ADAM7: variants seen among roughly 807,000 people sequenced by gnomAD.
The protein encoded by ADAM7 is ADAM metallopeptidase domain 7.
A neutral mutation model predicts 102.9 loss-of-function variants in ADAM7; 97 were observed. The observed-to-expected ratio is 0.94, with a 90% CI of 0.80 to 1.12. The LOEUF (loss-of-function observed/expected upper bound fraction) is 1.12. ADAM7 is among the 50% of genes most tolerant of loss of function. ADAM7 has a pLI of 0.00. For missense variants in ADAM7, 991 were observed against 908.7 expected, an observed-to-expected ratio of 1.09 and a Z score of -1.16; for synonymous variants, 334 against 304.4, an observed-to-expected ratio of 1.10 and a Z score of -1.01.
chr8:24,487,642 A>G (rs1820189529), intron 11 of ADAM7, among the ~76,000 whole-genome samples: 1 of 152,008 alleles, frequency 6.6e-6, no homozygotes, highest in Admixed American at 6.6e-5. Flanking sequence ...TCTCAAAAAA[A>G]AAAAGAAAAA....
intron 9 of ADAM7, among the ~76,000 whole-genome samples, 200 bp downstream of exon 9, chr8:24,482,511 A>G (rs1819990877): frequency 6.6e-6 from 1 of 152,106 alleles, no homozygotes; most frequent in African/African-American, 2.4e-5. Flanking sequence ...ATTTTAGGAG[A>G]CCAAAGTAGA....
At chr8:24,493,272 A>T in intron 16 of ADAM7, 43 bp downstream of exon 16, 2 of 1,502,142 alleles carry the variant, frequency 1.3e-6, no homozygotes. Flanking sequence ...TCTTAGTTCA[A>T]TCCTTTAAAA....
chr8:24,488,991 C>A (rs1304212635), intron 11 of ADAM7, among the ~76,000 whole-genome samples, 168 bp from the exon 12 acceptor site: 1 of 152,088 alleles, frequency 6.6e-6, no homozygotes, highest in Admixed American at 6.6e-5. Flanking sequence ...CATGTGTTTG[C>A]TGTGTTTTGA....
At chr8:24,473,447 T>C (rs1819671314) in intron 7 of ADAM7, among the ~76,000 whole-genome samples, 1 of 152,154 alleles carries the variant, frequency 6.6e-6, no homozygotes, top group Non-Finnish European at 1.5e-5. Context: ...TCTTGCATCA[T>C]AGCTGGGCAT....
intron 3 of ADAM7, among the ~76,000 whole-genome samples, chr8:24,460,904 T>A (rs1819218369): frequency 6.6e-6 from 1 of 152,146 alleles, no homozygotes; most frequent in African/African-American, 2.4e-5. Flanking sequence ...AGGTTCAGTT[T>A]TTTTCATGTG....
At chr8:24,453,151 G>C (rs1327367799) in intron 3 of ADAM7, among the ~76,000 whole-genome samples, 1 of 151,936 alleles carries the variant, frequency 6.6e-6, no homozygotes, top group Admixed American at 6.6e-5. Flanking sequence ...TTCTCGAGGA[G>C]TATCTTTGTG....
At chr8:24,496,368 C>T (rs73547085) in intron 16 of ADAM7, among the ~76,000 whole-genome samples, 5,455 of 152,082 alleles carry the variant, frequency 0.036, 336 homozygotes, top group African/African-American at 0.12. Flanking sequence ...AATGTAGGGT[C>T]GGATCCCCCA....
At position 24,501,482 on chromosome 8, in the gene ADAM7, C is replaced by T. The variant is rs763373208; in HGVS notation, c.2114C>T (p.Pro705Leu). The T allele has an allele frequency of 1.4e-5, 22 of 1,604,124 alleles. No homozygotes were observed. The South Asian group carries it at 2.3e-4, about 16-fold the overall frequency. ...CIKLKQVQSP[P>L]TETLGVENKG... The stretch of plus-strand genomic sequence containing the variant: ...TTCAATTTCCTTCTTGACAGCCCAC[C>T]TACAGAAACCCTGGGAGTGGAGAAC... The change falls in exon 20 of 22, where the codon CCT (proline) becomes CTT (leucine). Residue 705 changes from proline (P) to leucine (L), a missense_variant. Physicochemically the swap from Pro to Leu is moderately conservative, Grantham distance 98. Coordinates refer to ENST00000175238, the MANE Select transcript of ADAM7 (RefSeq NM_003817.4).
intron 7 of ADAM7, among the ~76,000 whole-genome samples, chr8:24,472,271 T>C (rs1008454936): frequency 1.3e-5 from 2 of 151,832 alleles, no homozygotes; most frequent in African/African-American, 4.8e-5. Flanking sequence ...CCAACTGATA[T>C]ACTACCTTGC....
In ADAM7 at chr8:24,499,274, C is replaced by A; in HGVS notation, c.1881C>A (p.Val627=). 6.2e-7 allele frequency: 1 copy of A among 1,608,230 alleles called. No homozygotes were observed. Among genetic ancestry groups the A allele is most frequent in the South Asian group, 1.1e-5 (1 of 89,964 alleles). ...GTGAATGTCTAAACATGGAAAAGGT[C>A]TATATCTCAACCAATTGCCCCTCTC... ...NNGECLNMEK[V]YISTNCPSQC... Residue 627 remains valine, a synonymous_variant, in exon 17 of 22, where the codon GTC becomes GTA. Coordinates refer to ENST00000175238, the MANE Select transcript of ADAM7 (RefSeq NM_003817.4).
intron 16 of ADAM7, among the ~76,000 whole-genome samples, chr8:24,493,541 A>T (rs554235576): frequency 1.3e-5 from 2 of 152,338 alleles, no homozygotes; most frequent in South Asian, 4.1e-4. Context: ...GTAGCCTTAC[A>T]TCTTCATTTA....
In ADAM7 at chr8:24,451,955, C is replaced by T. The variant is rs1297751322; in HGVS notation, c.233+4693C>T. Among the ~76,000 whole-genome samples, 1,223 of 151,730 alleles carry T rather than the reference C, an allele frequency of 8.1e-3. 11 individuals are homozygous for T. Among genetic ancestry groups the T allele is most frequent in the Non-Finnish European group, 1.0e-2 (678 of 67,826 alleles). ...GTTGTTCAGTTTCCATGTAGTTGAGCGGTTTTGAGTGAGTTTCTTAATCCT... is the reference window on the plus strand; with the variant it reads ...GTTGTTCAGTTTCCATGTAGTTGAGTGGTTTTGAGTGAGTTTCTTAATCCT... On this transcript the variant is annotated intron_variant, in intron 3 of 21. Transcript: ENST00000175238.
intron 3 of ADAM7, among the ~76,000 whole-genome samples, chr8:24,457,293 A>ATT (rs35591710): frequency 6.3e-4 from 95 of 150,984 alleles, no homozygotes; most frequent in African/African-American, 2.0e-3. Flanking sequence ...GTTCGAGGAG[A>ATT]TTTTTTTTTC....
In ADAM7 at chr8:24,447,246, C is replaced by T; in HGVS notation, c.217C>T (p.His73Tyr). 6.6e-7 allele frequency: 1 copy of T among 1,518,228 alleles called. No individual in the cohort carries two copies. The highest frequency in any genetic ancestry group is 9.0e-7 in the Non-Finnish European group (1 of 1,111,246). 94.0% of individuals were successfully genotyped at this position (1,518,228 alleles called of 1,614,324 possible). ...ACTAAATAGAAAAACCTTAGTCCTTCATCTTCTAAGATCCAGGTAAGTTCT... is the reference window on the plus strand; with the variant it reads ...ACTAAATAGAAAAACCTTAGTCCTTTATCTTCTAAGATCCAGGTAAGTTCT... ...IKLNRKTLVL[H>Y]LLRSREFLGS... is the part of the protein sequence containing the mutation. The change falls in exon 3 of 22, where the codon CAT becomes TAT. Residue 73 changes from histidine to tyrosine, a missense_variant. His to Tyr is a moderately conservative substitution (Grantham distance 83). Transcript: ENST00000175238.
intron 20 of ADAM7, among the ~76,000 whole-genome samples, chr8:24,503,182 G>A (rs1425939559): frequency 6.6e-6 from 1 of 152,114 alleles, no homozygotes; most frequent in Non-Finnish European, 1.5e-5. Context: ...AAAAAATTAT[G>A]TCTATTCCTG....
At chr8:24,453,343 C>T (rs1313291698) in intron 3 of ADAM7, among the ~76,000 whole-genome samples, 2 of 151,460 alleles carry the variant, frequency 1.3e-5, no homozygotes, top group African/African-American at 2.4e-5. Flanking sequence ...GGAGGCTTTG[C>T]TCATTTCTTT....
rs1269910773 is a variant in ADAM7, at chr8:24,487,197, C to G, written c.971C>G (p.Pro324Arg). Residue 324 changes from proline (P) to arginine (R), a missense_variant, in exon 11 of 22, where the codon CCT (proline) becomes CGT (arginine). Physicochemically the swap from Pro to Arg is moderately radical, Grantham distance 103. Coordinates refer to ENST00000175238, the MANE Select transcript of ADAM7 (RefSeq NM_003817.4). Reference protein sequence around the residue: ...YSTSIIKDLLPDTNIIANRMA... With the variant: ...YSTSIIKDLLRDTNIIANRMA... ...TTGTTTTATCATCAGGATCTTTTACCTGACACAAACATAATTGCAAACAGA... is the reference window on the plus strand; with the variant it reads ...TTGTTTTATCATCAGGATCTTTTACGTGACACAAACATAATTGCAAACAGA... 6.2e-7 allele frequency: 1 copy of G among 1,613,224 alleles called. No individual in the cohort carries two copies. The highest frequency in any genetic ancestry group is 1.3e-5 in the African/African-American group (1 of 74,850).
chr8:24,497,571 A>T (rs144721571), intron 16 of ADAM7, among the ~76,000 whole-genome samples: 2 of 152,278 alleles, frequency 1.3e-5, no homozygotes, highest in South Asian at 2.1e-4. Flanking sequence ...GAAAATAAAT[A>T]AAACCAGGAA....
At chr8:24,485,036 C>T (rs934781621) in intron 9 of ADAM7, among the ~76,000 whole-genome samples, 4 of 151,928 alleles carry the variant, frequency 2.6e-5, no homozygotes, top group African/African-American at 9.7e-5. Flanking sequence ...GATCTCTTGA[C>T]CTCGTGATCC....
Sources: allele counts gnomAD v4.1 joint callset (sites outside exome capture counted in the v4.1 genomes callset), GRCh38; gene constraint gnomAD v4.1.1; transcripts MANE v1.5; gene names NCBI Gene and HGNC (gene_info 2026-07-23, HGNC 2026-07-21).